LAMA3: variants seen among roughly 807,000 people sequenced by gnomAD.
LAMA3 encodes laminin subunit alpha 3, also known as laminin subunit alpha-3.
In LAMA3, 281 loss-of-function variants were observed where a neutral mutation model predicts 402.0. The observed-to-expected ratio is 0.70, with a 90% CI of 0.63 to 0.77. The LOEUF (loss-of-function observed/expected upper bound fraction) is 0.77. Ranked by LOEUF, LAMA3 falls within the 30% of genes least tolerant of loss-of-function variation. The probability of loss-of-function intolerance (pLI) is 0.00; values close to 1 mark genes in which losing one functional copy is unlikely to be tolerated. For missense variants in LAMA3, 3,840 were observed against 4,215.5 expected, an observed-to-expected ratio of 0.91 and a Z score of 2.47; for synonymous variants, 1,431 against 1,558.4, an observed-to-expected ratio of 0.92 and a Z score of 1.93.
At chr18:23,813,210 C>T in intron 14 of LAMA3, 107 bp downstream of exon 14, 1 of 780,806 alleles carries the variant, frequency 1.3e-6, no homozygotes, top group Non-Finnish European at 2.2e-6. Context: ...AGACCCAAGG[C>T]TAAATTGCTT....
chr18:23,954,590 T>C lies in LAMA3; in HGVS notation c.9944T>C (p.Val3315Ala), dbSNP rs371453979. The part of the protein sequence containing the change: ...NIHVNHIPVP[V>A]TEALEVQGPV... ...CATGTCAATCACATCCCTGTCCCTGTCACTGAAGCCTTGGAAGTCCAGGGG... is the reference window on the plus strand; with the variant it reads ...CATGTCAATCACATCCCTGTCCCTGCCACTGAAGCCTTGGAAGTCCAGGGG... Residue 3315 changes from valine (V) to alanine (A), a missense_variant, in exon 75 of 75, where the codon GTC (valine) becomes GCC (alanine). Val to Ala is a moderately conservative substitution (Grantham distance 64). Transcript: ENST00000313654. 3.4e-5 allele frequency: 55 copies of C among 1,613,866 alleles called. No homozygotes were observed. The highest frequency in any genetic ancestry group is 1.6e-4 in the Middle Eastern group (1 of 6,084).
intron 14 of LAMA3, among the ~76,000 whole-genome samples, chr18:23,813,689 G>T (rs1441319997): frequency 6.6e-6 from 1 of 150,756 alleles, no homozygotes; most frequent in African/African-American, 2.4e-5. Flanking sequence ...TTACAGGCAC[G>T]CCCCACCACA....
At chr18:23,863,959 T>C (rs145130787) in intron 35 of LAMA3, among the ~76,000 whole-genome samples, 1 of 152,320 alleles carries the variant, frequency 6.6e-6, no homozygotes, top group Non-Finnish European at 1.5e-5. Flanking sequence ...TTGTCAGCCA[T>C]GGCTACTGTA....
intron 1 of LAMA3, among the ~76,000 whole-genome samples, chr18:23,694,292 A>G (rs1044605998): frequency 2.0e-5 from 3 of 152,188 alleles, no homozygotes; most frequent in Admixed American, 6.5e-5. Flanking sequence ...TGAGTTCTCC[A>G]TTACTTTCAA....
intron 2 of LAMA3, among the ~76,000 whole-genome samples, chr18:23,733,600 C>T (rs531200369): frequency 2.0e-5 from 3 of 152,290 alleles, no homozygotes; most frequent in South Asian, 2.1e-4. Context: ...TGGGTGGTGA[C>T]ATAGCCAAAC....
At chr18:23,779,968 A>C (rs2062402899) in intron 11 of LAMA3, among the ~76,000 whole-genome samples, 4 of 152,164 alleles carry the variant, frequency 2.6e-5, no homozygotes, top group Admixed American at 2.6e-4. Context: ...TGAGGACAGC[A>C]GCTCTACAGG....
chr18:23,877,096 C>T (rs1021716754), intron 39 of LAMA3, among the ~76,000 whole-genome samples: 1 of 152,174 alleles, frequency 6.6e-6, no homozygotes, highest in Non-Finnish European at 1.5e-5. Flanking sequence ...AGCTTCACTA[C>T]TGCCAAGACA....
chr18:23,736,222 A>C (rs2061471825), intron 2 of LAMA3, among the ~76,000 whole-genome samples: 1 of 151,112 alleles, frequency 6.6e-6, no homozygotes, highest in African/African-American at 2.4e-5. Flanking sequence ...ACTGCTCATA[A>C]AATATGAAGT....
intron 8 of LAMA3, among the ~76,000 whole-genome samples, chr18:23,763,756 A>T (rs1375157358): frequency 1.3e-5 from 2 of 152,132 alleles, no homozygotes; most frequent in Non-Finnish European, 2.9e-5. Context: ...TCTCGATTTA[A>T]ATTTTGCCTA....
intron 42 of LAMA3, among the ~76,000 whole-genome samples, chr18:23,892,169 C>T (rs1223058423): frequency 1.3e-5 from 2 of 152,196 alleles, no homozygotes; most frequent in Non-Finnish European, 2.9e-5. Context: ...TAAAAGGAGG[C>T]AATTTCTCCT....
At position 23,839,838 on chromosome 18, in the gene LAMA3, A is replaced by C; in HGVS notation, c.3245A>C (p.Asp1082Ala). 6.2e-7 allele frequency: 1 copy of C among 1,614,044 alleles called. No homozygotes were observed. Among genetic ancestry groups the C allele is most frequent in the Non-Finnish European group, 8.5e-7 (1 of 1,179,948 alleles). ...HETPPTALILDVLSGRPFPHL... is the reference protein window; with the variant it reads ...HETPPTALILAVLSGRPFPHL... ...ACTCCTCCAACAGCATTAATTTTGG[A>C]TGTTCTAAGTGGCAGGCCTTTCCCT... is the stretch of plus-strand genomic sequence containing the variant. Residue 1082 changes from aspartate (D) to alanine (A), a missense_variant, in exon 27 of 75, where the codon GAT (aspartate) becomes GCT (alanine). Asp to Ala is a moderately radical substitution (Grantham distance 126, BLOSUM62 -2). Transcript: ENST00000313654. The surrounding 1 kb of genome is among the most constrained non-coding windows in gnomAD (Gnocchi z 4.5).
intron 12 of LAMA3, among the ~76,000 whole-genome samples, chr18:23,792,308 G>A (rs757759797): frequency 2.0e-5 from 3 of 152,102 alleles, no homozygotes; most frequent in Non-Finnish European, 4.4e-5. Context: ...AGAGCATAGC[G>A]CCACATCTGG....
At chr18:23,909,645 C>T (rs772854134) in intron 55 of LAMA3, among the ~76,000 whole-genome samples, 3 of 152,152 alleles carry the variant, frequency 2.0e-5, no homozygotes, top group Non-Finnish European at 4.4e-5. Flanking sequence ...CTGCACAGGA[C>T]CTACCCTCCT....
chr18:23,772,729 G>C (rs2062228044), intron 8 of LAMA3, among the ~76,000 whole-genome samples: 1 of 152,236 alleles, frequency 6.6e-6, no homozygotes, highest in African/African-American at 2.4e-5. Flanking sequence ...GGGTCAAATT[G>C]TGTTTTTGTT....
At chr18:23,779,110 G>A (rs1419348684) in intron 11 of LAMA3, among the ~76,000 whole-genome samples, 1 of 152,140 alleles carries the variant, frequency 6.6e-6, no homozygotes, top group East Asian at 1.9e-4. Context: ...GAGGGAAGGT[G>A]AGACTGGTAG....
At chr18:23,929,318 T>A (rs1308525087) in intron 64 of LAMA3, among the ~76,000 whole-genome samples, 1 of 152,242 alleles carries the variant, frequency 6.6e-6, no homozygotes, top group African/African-American at 2.4e-5. Flanking sequence ...CTTAAGCAGA[T>A]TTAGCTAGTG....
intron 40 of LAMA3, among the ~76,000 whole-genome samples, chr18:23,884,384 C>T (rs567976006): frequency 1.3e-5 from 2 of 152,116 alleles, no homozygotes; most frequent in East Asian, 3.9e-4. Context: ...ACAAGGAGAA[C>T]GTTTTTTTTT....
chr18:23,868,358 C>CT (rs550021434), intron 37 of LAMA3, among the ~76,000 whole-genome samples: 1 of 152,120 alleles, frequency 6.6e-6, no homozygotes, highest in Non-Finnish European at 1.5e-5. Flanking sequence ...TCTGTCCAGC[C>CT]TTTTTACACT....
chr18:23,845,745 G>A (rs2063799617), intron 30 of LAMA3, among the ~76,000 whole-genome samples: 1 of 152,206 alleles, frequency 6.6e-6, no homozygotes. Context: ...AGCTGTGGAG[G>A]TGAATGCTGC....
Sources: gnomAD v4.1 joint callset for allele counts (sites outside exome capture counted in the v4.1 genomes callset) on GRCh38, gnomAD v4.1.1 for gene constraint, Gnocchi (gnomAD v3.1) non-coding constraint, MANE v1.5 for transcripts, NCBI Gene and HGNC (gene_info 2026-07-23, HGNC 2026-07-21) for gene names.